GTF3C5: variants seen among roughly 807,000 people sequenced by gnomAD.
The protein encoded by GTF3C5 is general transcription factor 3C polypeptide 5.
In GTF3C5, 47 loss-of-function variants were observed where a neutral mutation model predicts 61.0. The ratio of observed to expected loss-of-function variants is 0.77; its 90% confidence interval spans 0.61 to 0.98. The LOEUF (loss-of-function observed/expected upper bound fraction) is 0.98. Ranked by LOEUF, GTF3C5 falls within the 50% of genes least tolerant of loss-of-function variation. GTF3C5 has a pLI of 0.00. For missense variants in GTF3C5, 659 were observed against 703.3 expected, an observed-to-expected ratio of 0.94 and a Z score of 0.71; for synonymous variants, 295 against 275.4, an observed-to-expected ratio of 1.07 and a Z score of -0.71.
At chr9:133,039,431 T>A (rs1849972799) in intron 1 of GTF3C5, among the ~76,000 whole-genome samples, 2 of 152,196 alleles carry the variant, frequency 1.3e-5, no homozygotes, top group Admixed American at 1.3e-4. Flanking sequence ...TGAGACAGGG[T>A]TTCATTCTGT....
chr9:133,047,342 T>A (rs1850237889), intron 3 of GTF3C5, among the ~76,000 whole-genome samples: 1 of 152,180 alleles, frequency 6.6e-6, no homozygotes, highest in Non-Finnish European at 1.5e-5. Flanking sequence ...TACTTTTTTC[T>A]GATTGTAAGA....
At chr9:133,032,644 G>C (rs745708285) in intron 1 of GTF3C5, among the ~76,000 whole-genome samples, 5 of 152,140 alleles carry the variant, frequency 3.3e-5, no homozygotes, top group Non-Finnish European at 7.3e-5. Flanking sequence ...TCTGAATAAG[G>C]CGGGGGGAAA....
chr9:133,054,610 C>T (rs987351090), intron 7 of GTF3C5, 102 bp from the exon 8 acceptor site: 2 of 1,409,618 alleles, frequency 1.4e-6, no homozygotes, highest in South Asian at 1.2e-5. Flanking sequence ...TCATTCCTCC[C>T]CTAGGAGGGG....
Position 133,057,798 on chromosome 9 carries a change from TCTC to T in GTF3C5, c.1394-11_1394-9del. 1.3e-6 allele frequency: 2 copies of T among 1,579,856 alleles called. No homozygotes were observed. The highest frequency in any genetic ancestry group is 1.7e-6 in the Non-Finnish European group (2 of 1,163,204). On this transcript the variant is annotated splice_polypyrimidine_tract_variant and intron_variant, in intron 10 of 10. Coordinates refer to ENST00000372097, the MANE Select transcript of GTF3C5 (RefSeq NM_012087.4). ...CCTGCATGGGACACCCATGGCCTTG[TCTC>T]CTCCGGCCCCAGCTCTCTTTTCCAG...
At chr9:133,051,745 A>G (rs1850387198) in intron 4 of GTF3C5, among the ~76,000 whole-genome samples, 1 of 152,188 alleles carries the variant, frequency 6.6e-6, no homozygotes. Flanking sequence ...CTGGGACTCT[A>G]GCATGTGCCC....
At chr9:133,044,101 C>T (rs558414247) in intron 3 of GTF3C5, 175 bp downstream of exon 3, 15 of 399,040 alleles carry the variant, frequency 3.8e-5, no homozygotes, top group East Asian at 1.0e-4. Context: ...GCCAAGATCG[C>T]GTCACTGCAC....
At chr9:133,046,050 G>A (rs1427145019) in intron 3 of GTF3C5, among the ~76,000 whole-genome samples, 2 of 152,196 alleles carry the variant, frequency 1.3e-5, no homozygotes, top group East Asian at 3.9e-4. Context: ...CTTGGGCCTA[G>A]TGTAGTGGCT....
At chr9:133,051,052 C>T (rs1850357836) in intron 4 of GTF3C5, 74 bp downstream of exon 4, 3 of 1,202,206 alleles carry the variant, frequency 2.5e-6, no homozygotes, top group Non-Finnish European at 3.4e-6. Context: ...CCAGCTGCTC[C>T]CTGTTCCTGG....
At chr9:133,053,347 G>A (rs1850443469) in intron 5 of GTF3C5, among the ~76,000 whole-genome samples, 1 of 152,182 alleles carries the variant, frequency 6.6e-6, no homozygotes, top group Non-Finnish European at 1.5e-5. Context: ...TACTTCGGGA[G>A]GCTGAAGCGG....
At chr9:133,034,611 T>C (rs1849815029) in intron 1 of GTF3C5, among the ~76,000 whole-genome samples, 1 of 152,150 alleles carries the variant, frequency 6.6e-6, no homozygotes, top group South Asian at 2.1e-4. Context: ...CCCATCCCTT[T>C]TCAGCCGTTC....
chr9:133,046,958 G>A (rs975737476), intron 3 of GTF3C5, among the ~76,000 whole-genome samples: 1 of 152,138 alleles, frequency 6.6e-6, no homozygotes, highest in East Asian at 1.9e-4. Context: ...TCAAGAGAGA[G>A]TGTGTTATTC....
chr9:133,051,179 A>G (rs1322791580), intron 4 of GTF3C5, among the ~76,000 whole-genome samples: 1 of 152,236 alleles, frequency 6.6e-6, no homozygotes, highest in Non-Finnish European at 1.5e-5. Context: ...AAGGTTGAAA[A>G]TGCTTCTTAG....
Position 133,034,697 on chromosome 9 carries a change from T to A in GTF3C5, c.153+3533T>A, listed in dbSNP as rs1849817017. ...GGTTCAAGTTTTCCCTCCTTCCAGC[T>A]TTTGATGAGAACGTGATCCCCAGGC... On this transcript the variant is annotated intron_variant, in intron 1 of 10. Transcript: ENST00000372097. Among the ~76,000 whole-genome samples the A allele has an allele frequency of 3.3e-5, 5 of 152,254 alleles. No homozygotes were observed. The South Asian group carries it at 1.0e-3, about 32-fold the overall frequency.
chr9:133,050,261 T>C (rs1393562720), intron 3 of GTF3C5, among the ~76,000 whole-genome samples: 1 of 152,204 alleles, frequency 6.6e-6, no homozygotes, highest in Non-Finnish European at 1.5e-5. Context: ...TGGTCCCTTC[T>C]CTGTAGGATT....
At chr9:133,054,090 T>C in intron 6 of GTF3C5, 148 bp downstream of exon 6, 1 of 659,396 alleles carries the variant, frequency 1.5e-6, no homozygotes, top group Admixed American at 2.9e-5. Flanking sequence ...GAATGCAGAA[T>C]GGCGTGGAAA....
chr9:133,053,265 G>T (rs191598733), intron 5 of GTF3C5, among the ~76,000 whole-genome samples: 17 of 152,096 alleles, frequency 1.1e-4, no homozygotes, highest in African/African-American at 4.1e-4. Flanking sequence ...AAGGCTCCAC[G>T]GGCGCTATCT....
chr9:133,058,210 T>G lies in GTF3C5; in HGVS notation c.*230T>G. ...AGGGACATCCCCAAAGGGTATACCC[T>G]GGCTCTGCCACCCATGAACCAGCCC... is the stretch of plus-strand genomic sequence containing the variant. On this transcript the variant is annotated 3_prime_UTR_variant, in exon 11 of 11. Coordinates refer to ENST00000372097, the MANE Select transcript of GTF3C5 (RefSeq NM_012087.4). The G allele has an allele frequency of 7.8e-7, 1 of 1,286,382 alleles. No homozygotes were observed. 79.7% of individuals were successfully genotyped at this position (1,286,382 alleles called of 1,614,324 possible).
At chr9:133,033,740 CTG>C (rs919277469) in intron 1 of GTF3C5, among the ~76,000 whole-genome samples, 2 of 152,182 alleles carry the variant, frequency 1.3e-5, no homozygotes, top group African/African-American at 4.8e-5. Context: ...TTCTGGTCTA[CTG>C]TGTGCACAAG....
At chr9:133,031,198 A>C in intron 1 of GTF3C5, 34 bp downstream of exon 1, 1 of 1,515,404 alleles carries the variant, frequency 6.6e-7, no homozygotes, top group Non-Finnish European at 8.9e-7. Context: ...TTGGAATAAG[A>C]GCTCGGAGTC....
Sources: allele counts gnomAD v4.1 joint callset (sites outside exome capture counted in the v4.1 genomes callset), GRCh38; gene constraint gnomAD v4.1.1; transcripts MANE v1.5; gene names NCBI Gene and HGNC (gene_info 2026-07-23, HGNC 2026-07-21).